FOCAD: variants seen among roughly 807,000 people sequenced by gnomAD.
FOCAD encodes the protein focadhesin, also known as KIAA1797.
In FOCAD, 198 loss-of-function variants were observed where a neutral mutation model predicts 225.6. The ratio of observed to expected loss-of-function variants is 0.88; its 90% CI spans 0.78 to 0.99. FOCAD has a LOEUF of 0.99. Among genes scored for constraint, FOCAD ranks in the 50% least tolerant of loss-of-function variants. The pLI is 0.00. For missense variants in FOCAD, 2,713 were observed against 2,123.6 expected (o/e 1.28, Z -5.46); for synonymous variants, 897 against 755.0 (o/e 1.19, Z -3.08).
chr9:20,848,246 G>T (rs1207554616), intron 15 of FOCAD, among the ~76,000 whole-genome samples: 1 of 152,054 alleles, frequency 6.6e-6, no homozygotes, highest in African/African-American at 2.4e-5. Flanking sequence ...GGCATGATTT[G>T]ACGCTAATAG....
intron 11 of FOCAD, among the ~76,000 whole-genome samples, chr9:20,791,866 G>A (rs1163588420): frequency 1.3e-5 from 2 of 152,146 alleles, no homozygotes; most frequent in Non-Finnish European, 2.9e-5. Flanking sequence ...CATAGAAGTG[G>A]AAATGTGCAA....
At chr9:20,754,078 A>G (rs963263830) in intron 5 of FOCAD, among the ~76,000 whole-genome samples, 6 of 152,122 alleles carry the variant, frequency 3.9e-5, no homozygotes, top group African/African-American at 1.4e-4. Context: ...AAAGTTGTTA[A>G]CTTGACTCAG....
chr9:20,787,390 C>T (rs866587588), intron 10 of FOCAD, among the ~76,000 whole-genome samples: 1 of 152,050 alleles, frequency 6.6e-6, no homozygotes, highest in Non-Finnish European at 1.5e-5. Context: ...ATTTTACAAA[C>T]GAGTAAAGAG....
chr9:20,725,389 TGCCTATTTATCTTCTA>T (rs1212302816), intron 4 of FOCAD, among the ~76,000 whole-genome samples: 2 of 152,248 alleles, frequency 1.3e-5, no homozygotes, highest in Non-Finnish European at 2.9e-5. Flanking sequence ...CTTTCCATCT[TGCCTATTTATCTTCTA>T]GCCTACTATC....
intron 5 of FOCAD, among the ~76,000 whole-genome samples, chr9:20,754,491 C>G (rs560155995): frequency 3.3e-5 from 5 of 151,454 alleles, no homozygotes; most frequent in African/African-American, 9.7e-5. Flanking sequence ...CAACTCTGAT[C>G]TTGATCGATT....
chr9:20,897,550 TA>T (rs1421980544), intron 21 of FOCAD, among the ~76,000 whole-genome samples: 1 of 151,744 alleles, frequency 6.6e-6, no homozygotes, highest in African/African-American at 2.4e-5. Flanking sequence ...TTTTACTTTT[TA>T]AATGATTGCC....
intron 21 of FOCAD, among the ~76,000 whole-genome samples, chr9:20,898,421 T>C (rs995945403): frequency 2.0e-5 from 3 of 151,942 alleles, no homozygotes; most frequent in African/African-American, 7.2e-5. Flanking sequence ...TTCTTTGCTT[T>C]ATTCTTTTTC....
intron 15 of FOCAD, among the ~76,000 whole-genome samples, chr9:20,845,009 C>A (rs1051831825): frequency 9.9e-5 from 15 of 152,018 alleles, no homozygotes; most frequent in African/African-American, 3.6e-4. Context: ...TAATCCCTTT[C>A]CGATTTCTTT....
At chr9:20,763,576 A>G (rs920976910) in intron 6 of FOCAD, among the ~76,000 whole-genome samples, 1 of 152,246 alleles carries the variant, frequency 6.6e-6, no homozygotes, top group Non-Finnish European at 1.5e-5. Context: ...TTTAAAGCAG[A>G]TAACTGAAGG....
intron 4 of FOCAD, 144 bp from the exon 5 acceptor site, chr9:20,740,092 A>G (rs1827484848): frequency 1.8e-6 from 1 of 557,530 alleles, no homozygotes; most frequent in Non-Finnish European, 3.3e-6. Flanking sequence ...GGGCTGTACT[A>G]TAGAATGAGT....
At chr9:20,747,692 CATA>C (rs1403193534) in intron 5 of FOCAD, among the ~76,000 whole-genome samples, 2 of 152,046 alleles carry the variant, frequency 1.3e-5, no homozygotes, top group African/African-American at 2.4e-5. Context: ...TTTCACTTAG[CATA>C]ATGTTTTCAA....
chr9:20,666,890 A>C (rs1438122595), intron 2 of FOCAD, among the ~76,000 whole-genome samples: 1 of 152,364 alleles, frequency 6.6e-6, no homozygotes, highest in South Asian at 2.1e-4. Flanking sequence ...ATGTATGTGT[A>C]AATAAATCCA....
chr9:20,659,904 A>G (rs1393127505), intron 2 of FOCAD, among the ~76,000 whole-genome samples: 3 of 152,226 alleles, frequency 2.0e-5, no homozygotes, highest in Non-Finnish European at 2.9e-5. Flanking sequence ...GATATGAGAG[A>G]TAGCTCAGAG....
chr9:20,788,652 A>C (rs1038582242), intron 10 of FOCAD, among the ~76,000 whole-genome samples: 1 of 152,172 alleles, frequency 6.6e-6, no homozygotes, highest in Admixed American at 6.5e-5. Flanking sequence ...GCAATGTCTA[A>C]TGATTCTTTA....
At chr9:20,963,541 A>G (rs1210944881) in intron 35 of FOCAD, among the ~76,000 whole-genome samples, 3 of 152,202 alleles carry the variant, frequency 2.0e-5, no homozygotes, top group Non-Finnish European at 4.4e-5. Flanking sequence ...TCAATCTCTG[A>G]GAGTTTTCTA....
At chr9:20,828,753 G>A (rs976247409) in intron 15 of FOCAD, among the ~76,000 whole-genome samples, 1 of 151,980 alleles carries the variant, frequency 6.6e-6, no homozygotes, top group African/African-American at 2.4e-5. Flanking sequence ...AATCCCAGCA[G>A]GCATTAGCTA....
chr9:20,920,710 A>G (rs1347150152), intron 24 of FOCAD, among the ~76,000 whole-genome samples: 1 of 151,926 alleles, frequency 6.6e-6, no homozygotes, highest in Non-Finnish European at 1.5e-5. Context: ...AACTATCGCA[A>G]GGTCAAAAAA....
chr9:20,966,894 T>G (rs1312841717), intron 35 of FOCAD, among the ~76,000 whole-genome samples: 1 of 152,126 alleles, frequency 6.6e-6, no homozygotes, highest in African/African-American at 2.4e-5. Context: ...ATGTCTGTCT[T>G]TATATGTACT....
At chr9:20,813,935 C>T (rs1029436474) in intron 11 of FOCAD, among the ~76,000 whole-genome samples, 5 of 152,220 alleles carry the variant, frequency 3.3e-5, no homozygotes, top group Admixed American at 6.5e-5. Context: ...ATATAATTAT[C>T]GTATTGTCCT....
Sources: gnomAD v4.1 joint callset for allele counts (sites outside exome capture counted in the v4.1 genomes callset) on GRCh38, gnomAD v4.1.1 for gene constraint, MANE v1.5 for transcripts, NCBI Gene and HGNC (gene_info 2026-07-23, HGNC 2026-07-21) for gene names.